The following LPAR1 variants were observed in gnomAD, a reference collection of about 807,000 sequenced individuals.
The protein encoded by LPAR1 is lysophosphatidic acid receptor 1.
In LPAR1, 5 loss-of-function variants were observed where a neutral mutation model predicts 23.8. The ratio of observed to expected loss-of-function variants is 0.21; its 90% CI spans 0.11 to 0.44. The LOEUF is 0.44. Ranked by LOEUF, LPAR1 falls within the 20% of genes least tolerant of loss-of-function variation. LPAR1 has a pLI of 0.99. For synonymous variants in LPAR1, 160 were observed against 164.7 expected, an observed-to-expected ratio of 0.97 and a Z score of 0.22; for missense variants, 311 against 482.8, an observed-to-expected ratio of 0.64 and a Z score of 3.33.
chr9:110,951,379 A>G lies in LPAR1; in HGVS notation c.46-9211T>C, dbSNP rs188647921. On this transcript the variant is annotated intron_variant, in intron 4 of 5. Transcript: ENST00000683809. ...AAAACTAAATTAGTAGAAACTTTAG[A>G]AACACACATAAGAAAGACTTTCTCT... is the stretch of plus-strand genomic sequence containing the variant. Among the ~76,000 whole-genome samples, 274 of 152,276 alleles carry G rather than the reference A, an allele frequency of 1.8e-3. 1 individual carries two copies. Among genetic ancestry groups the G allele is most frequent in the Non-Finnish European group, 2.3e-3 (155 of 68,016 alleles).
chr9:110,902,862 T>G (rs2133927686), intron 5 of LPAR1, among the ~76,000 whole-genome samples: 1 of 152,290 alleles, frequency 6.6e-6, no homozygotes, highest in South Asian at 2.1e-4. Context: ...ATCATGAGGC[T>G]CTACTGAAGA....
intron 2 of LPAR1, among the ~76,000 whole-genome samples, chr9:110,998,665 A>G (rs1454809798): frequency 6.6e-6 from 1 of 152,208 alleles, no homozygotes; most frequent in African/African-American, 2.4e-5. Flanking sequence ...GCATAAAGCT[A>G]TTAGTGTAAT....
intron 4 of LPAR1, among the ~76,000 whole-genome samples, chr9:110,960,748 G>C (rs908469293): frequency 1.3e-5 from 2 of 152,124 alleles, no homozygotes; most frequent in African/African-American, 4.8e-5. Flanking sequence ...AAGAGAAAAA[G>C]ATCACCTTTT....
At chr9:110,925,447 T>G (rs2766996) in intron 5 of LPAR1, among the ~76,000 whole-genome samples, 7,029 of 152,188 alleles carry the variant, frequency 0.046, 212 homozygotes, top group South Asian at 0.07. Flanking sequence ...TCCTGATAGA[T>G]GACAGTTTAT....
intron 4 of LPAR1, among the ~76,000 whole-genome samples, chr9:110,953,321 C>A (rs554914956): frequency 6.6e-6 from 1 of 152,290 alleles, no homozygotes; most frequent in African/African-American, 2.4e-5. Context: ...CCCAGCAAAC[C>A]TTTGCCACAG....
intron 5 of LPAR1, among the ~76,000 whole-genome samples, chr9:110,902,106 C>G (rs867067245): frequency 6.6e-6 from 1 of 152,026 alleles, no homozygotes; most frequent in Non-Finnish European, 1.5e-5. Context: ...TTACAACCCA[C>G]AACCTCACAG....
chr9:110,957,475 C>G (rs79899107), intron 4 of LPAR1, among the ~76,000 whole-genome samples: 1 of 151,764 alleles, frequency 6.6e-6, no homozygotes, highest in Non-Finnish European at 1.5e-5. Context: ...ATTAACAGAA[C>G]GAAGAATAAA....
chr9:110,957,035 C>T (rs1206460214), intron 4 of LPAR1, among the ~76,000 whole-genome samples: 1 of 152,026 alleles, frequency 6.6e-6, no homozygotes, highest in African/African-American at 2.4e-5. Flanking sequence ...AAATCCTCAA[C>T]AAAATATCAG....
At chr9:111,019,665 G>A (rs374979640) in intron 2 of LPAR1, among the ~76,000 whole-genome samples, 7 of 151,440 alleles carry the variant, frequency 4.6e-5, no homozygotes, top group African/African-American at 9.7e-5. Context: ...GTGAAACCCC[G>A]TCTCTACTAA....
chr9:110,988,901 A>T (rs966189378), intron 2 of LPAR1, among the ~76,000 whole-genome samples: 2 of 152,212 alleles, frequency 1.3e-5, no homozygotes, highest in African/African-American at 4.8e-5. Context: ...TCAACTGTTG[A>T]AAGGATAAAG....
chr9:111,034,221 AT>A (rs891348011), intron 2 of LPAR1, among the ~76,000 whole-genome samples: 23 of 152,166 alleles, frequency 1.5e-4, no homozygotes, highest in African/African-American at 4.8e-4. Flanking sequence ...TTGCCCTATC[AT>A]TTACAGAGGC....
intron 5 of LPAR1, among the ~76,000 whole-genome samples, chr9:110,919,636 T>C (rs1302779607): frequency 6.6e-6 from 1 of 152,208 alleles, no homozygotes; most frequent in Non-Finnish European, 1.5e-5. Context: ...GACTCCTCTC[T>C]TAACTTCTCA....
At chr9:110,979,913 A>T (rs2096633618) in intron 2 of LPAR1, among the ~76,000 whole-genome samples, 1 of 152,164 alleles carries the variant, frequency 6.6e-6, no homozygotes, top group Non-Finnish European at 1.5e-5. Flanking sequence ...TCAAGAGGAG[A>T]TTTGGATAAC....
intron 2 of LPAR1, among the ~76,000 whole-genome samples, chr9:110,988,097 T>TA (rs1554723044): frequency 2.6e-5 from 4 of 151,686 alleles, no homozygotes; most frequent in Non-Finnish European, 4.4e-5. Context: ...TAATGGGAAG[T>TA]GGGGGAACTA....
chr9:110,907,259 A>C (rs1160471680), intron 5 of LPAR1, among the ~76,000 whole-genome samples: 1 of 152,228 alleles, frequency 6.6e-6, no homozygotes, highest in African/African-American at 2.4e-5. Context: ...TAAGATGAAC[A>C]GAAATGTATG....
At chr9:110,968,775 T>C (rs554041329) in intron 4 of LPAR1, among the ~76,000 whole-genome samples, 18 of 152,306 alleles carry the variant, frequency 1.2e-4, no homozygotes, top group African/African-American at 4.3e-4. Context: ...TGCTGAGCAA[T>C]AATAACAATG....
intron 1 of LPAR1, among the ~76,000 whole-genome samples, chr9:111,036,887 T>C (rs1255010879): frequency 6.6e-6 from 1 of 152,224 alleles, no homozygotes; most frequent in African/African-American, 2.4e-5. Flanking sequence ...CCTACTGGGA[T>C]ATGGAAATCA....
chr9:110,943,192 T>C (rs967251113), intron 4 of LPAR1, among the ~76,000 whole-genome samples: 1 of 149,868 alleles, frequency 6.7e-6, no homozygotes, highest in Non-Finnish European at 1.5e-5. Context: ...ATTAGAAAAG[T>C]ATACATCACA....
intron 5 of LPAR1, among the ~76,000 whole-genome samples, chr9:110,934,734 C>T (rs2094584897): frequency 6.6e-6 from 1 of 152,010 alleles, no homozygotes; most frequent in Admixed American, 6.6e-5. Context: ...GGGAAAGTAA[C>T]TTGCCCAGAA....
Sources: gnomAD v4.1 joint callset for allele counts (sites outside exome capture counted in the v4.1 genomes callset) on GRCh38, gnomAD v4.1.1 for gene constraint, MANE v1.5 for transcripts, NCBI Gene and HGNC (gene_info 2026-07-23, HGNC 2026-07-21) for gene names.